WWOX: variants seen among roughly 807,000 people sequenced by gnomAD.
WWOX encodes WW domain containing oxidoreductase.
A neutral mutation model predicts 46.2 loss-of-function variants in WWOX; 69 were observed. The observed-to-expected ratio is 1.49, with a 90% CI of 1.23 to 1.82. WWOX has a LOEUF of 1.82. Ranked by LOEUF, WWOX falls within the 40% of genes most tolerant of loss-of-function variation. The pLI is 0.00. For synonymous variants in WWOX, 359 were observed against 202.6 expected, an observed-to-expected ratio of 1.77 and a Z score of -6.56; for missense variants, 919 against 542.6, an observed-to-expected ratio of 1.69 and a Z score of -6.89.
At chr16:78,869,691 GC>G (rs1567615435) in intron 8 of WWOX, among the ~76,000 whole-genome samples, 1 of 152,150 alleles carries the variant, frequency 6.6e-6, no homozygotes, top group East Asian at 1.9e-4. Context: ...ACAGTGCATC[GC>G]CCACTCTGAT....
chr16:78,615,411 G>T (rs1158713004), intron 8 of WWOX, among the ~76,000 whole-genome samples: 4 of 152,126 alleles, frequency 2.6e-5, no homozygotes, highest in Non-Finnish European at 5.9e-5. Flanking sequence ...CACGTAGGGA[G>T]GCTGAGGCAG....
At chr16:78,862,948 G>C (rs1409132182) in intron 8 of WWOX, among the ~76,000 whole-genome samples, 1 of 150,290 alleles carries the variant, frequency 6.7e-6, no homozygotes, top group Non-Finnish European at 1.5e-5. Context: ...ACATCATGGT[G>C]GTTATGCCAA....
At chr16:79,059,087 A>G (rs1449479110) in intron 8 of WWOX, among the ~76,000 whole-genome samples, 2 of 152,240 alleles carry the variant, frequency 1.3e-5, no homozygotes, top group Non-Finnish European at 2.9e-5. Flanking sequence ...CCTTTTGAAA[A>G]TGACATTTTA....
Position 78,099,864 on chromosome 16 carries a change from A to G in WWOX, c.86A>G (p.Asp29Gly). 3.8e-6 allele frequency: 6 copies of G among 1,575,828 alleles called. No homozygotes were observed. The highest frequency in any genetic ancestry group is 5.2e-6 in the Non-Finnish European group (6 of 1,161,542). The change falls in exon 1 of 9, where the codon GAC (aspartate) becomes GGC (glycine). Residue 29 changes from aspartate to glycine, a missense_variant. Transcript: ENST00000566780. The part of the protein sequence containing the change: ...PPGWEERTTK[D>G]GWVYYANHTE... ...GGCTGGGAGGAGAGAACCACCAAGGACGGCTGGGTTTACTACGCCAAGTAA... is the reference window on the plus strand; with the variant it reads ...GGCTGGGAGGAGAGAACCACCAAGGGCGGCTGGGTTTACTACGCCAAGTAA...
chr16:78,851,189 C>T (rs985485306), intron 8 of WWOX, among the ~76,000 whole-genome samples: 14 of 152,136 alleles, frequency 9.2e-5, no homozygotes, highest in African/African-American at 3.1e-4. Context: ...TGTGAGCCCA[C>T]TAAGAGTAGG....
At chr16:78,397,565 A>T (rs2082316538) in intron 6 of WWOX, among the ~76,000 whole-genome samples, 1 of 152,222 alleles carries the variant, frequency 6.6e-6, no homozygotes, top group Non-Finnish European at 1.5e-5. Context: ...CTTGCATAGT[A>T]GCTTGGAGAA....
intron 8 of WWOX, among the ~76,000 whole-genome samples, chr16:78,773,831 A>C (rs917835524): frequency 6.6e-6 from 1 of 152,204 alleles, no homozygotes; most frequent in African/African-American, 2.4e-5. Context: ...CTGAACAGGG[A>C]GCTTGGCTGC....
intron 5 of WWOX, among the ~76,000 whole-genome samples, chr16:78,322,188 G>A (rs1330740185): frequency 6.6e-6 from 1 of 152,180 alleles, no homozygotes; most frequent in South Asian, 2.1e-4. Context: ...CAAACAATTC[G>A]AAAGAGCAAA....
chr16:78,640,773 T>C (rs2046687915), intron 8 of WWOX, among the ~76,000 whole-genome samples: 1 of 151,830 alleles, frequency 6.6e-6, no homozygotes, highest in South Asian at 2.1e-4. Context: ...ACCCCGACTC[T>C]ACTAAAATAC....
chr16:78,894,900 T>C (rs1233983413), intron 8 of WWOX, among the ~76,000 whole-genome samples: 2 of 152,120 alleles, frequency 1.3e-5, no homozygotes, highest in Non-Finnish European at 2.9e-5. Context: ...GAATTTTCAA[T>C]CAGAAATTAT....
intron 8 of WWOX, among the ~76,000 whole-genome samples, chr16:78,512,898 C>T (rs1460190660): frequency 6.6e-6 from 1 of 152,224 alleles, no homozygotes; most frequent in East Asian, 1.9e-4. Flanking sequence ...CTGCGTGTTA[C>T]CCAGTCTTAC....
At chr16:78,935,932 AAGC>A (rs908078934) in intron 8 of WWOX, among the ~76,000 whole-genome samples, 2 of 151,900 alleles carry the variant, frequency 1.3e-5, no homozygotes, top group Admixed American at 6.6e-5. Flanking sequence ...AAAATAAAAT[AAGC>A]AGCAGCAGCA....
chr16:78,367,771 G>A (rs1387383507), intron 5 of WWOX, among the ~76,000 whole-genome samples: 1 of 147,096 alleles, frequency 6.8e-6, no homozygotes, highest in Non-Finnish European at 1.5e-5. Flanking sequence ...TTTTCTTTTT[G>A]TTTCGAGATG....
chr16:78,998,804 T>A lies in WWOX; in HGVS notation c.1057-212804T>A, dbSNP rs530921172. On this transcript the variant is annotated intron_variant, in intron 8 of 8. Transcript: ENST00000566780. Reference sequence around the variant, plus strand: ...AAAGTGCCAGTCTGATCCTTGACCTTCAGGTGCATCTCTAAATTCTTTCAT... The same window carrying A: ...AAAGTGCCAGTCTGATCCTTGACCTACAGGTGCATCTCTAAATTCTTTCAT... Among the ~76,000 whole-genome samples the A allele has an allele frequency of 4.6e-5, 7 of 152,364 alleles. No homozygotes were observed. The South Asian group carries it at 1.5e-3, about 32-fold the overall frequency.
intron 8 of WWOX, among the ~76,000 whole-genome samples, chr16:79,079,628 T>C (rs1239326034): frequency 6.6e-6 from 1 of 152,262 alleles, no homozygotes; most frequent in East Asian, 1.9e-4. Context: ...TGTCATTCAC[T>C]AAGTCTTTCA....
In WWOX at chr16:78,174,198, G is replaced by T. The variant is rs535234659; in HGVS notation, c.516+9909G>T. On this transcript the variant is annotated intron_variant, in intron 5 of 8. Transcript: ENST00000566780. ...AAAAAGAGGTTTAACTGGACTTACA[G>T]TTCCACATGGCTGGGGAGGCTTCAG... Among the ~76,000 whole-genome samples the T allele has an allele frequency of 4.6e-5, 7 of 152,316 alleles. No individual in the cohort carries two copies. The South Asian group carries it at 1.2e-3, about 27-fold the overall frequency.
At chr16:78,222,757 C>T (rs1264832198) in intron 5 of WWOX, among the ~76,000 whole-genome samples, 2 of 152,194 alleles carry the variant, frequency 1.3e-5, no homozygotes. Flanking sequence ...TATTAATTGG[C>T]CATGTCAGTT....
intron 8 of WWOX, among the ~76,000 whole-genome samples, chr16:78,885,597 G>C (rs2044438579): frequency 6.6e-6 from 1 of 152,192 alleles, no homozygotes; most frequent in African/African-American, 2.4e-5. Context: ...CCAAAATTCA[G>C]AGAAACTAGA....
chr16:78,934,337 C>G (rs1249764960), intron 8 of WWOX, among the ~76,000 whole-genome samples: 4 of 78,316 alleles, frequency 5.1e-5, no homozygotes, highest in Middle Eastern at 6.1e-3. Flanking sequence ...GTCTCCGTCT[C>G]AAAAAAAAAA....
Sources: gnomAD v4.1 joint callset for allele counts (sites outside exome capture counted in the v4.1 genomes callset) on GRCh38, gnomAD v4.1.1 for gene constraint, MANE v1.5 for transcripts, NCBI Gene and HGNC (gene_info 2026-07-23, HGNC 2026-07-21) for gene names.